Variants in SCN9A observed in about 807,000 individuals in gnomAD.
SCN9A encodes the protein sodium channel protein type 9 subunit alpha.
Under a neutral mutation model 187.0 loss-of-function variants are expected in SCN9A, and 131 were observed. The observed-to-expected ratio is 0.70, with a 90% CI of 0.61 to 0.81. The LOEUF (loss-of-function observed/expected upper bound fraction) is 0.81, where lower values mean the gene tolerates loss of function less well. SCN9A is among the 30% of genes least tolerant of loss of function. SCN9A has a pLI of 0.00. For synonymous variants in SCN9A, 809 were observed against 808.6 expected, an observed-to-expected ratio of 1.00 and a Z score of -0.01; for missense variants, 2,252 against 2,396.6, an observed-to-expected ratio of 0.94 and a Z score of 1.26.
intron 1 of SCN9A, among the ~76,000 whole-genome samples, chr2:166,362,488 C>A (rs762340832): frequency 1.3e-5 from 2 of 151,910 alleles, no homozygotes; most frequent in Non-Finnish European, 2.9e-5. Context: ...GTATTTCTTA[C>A]TTTCTGCCAT....
intron 1 of SCN9A, among the ~76,000 whole-genome samples, chr2:166,322,807 C>G (rs754638250): frequency 3.3e-5 from 5 of 152,214 alleles, no homozygotes; most frequent in African/African-American, 1.2e-4. Context: ...AGTTCAGGAG[C>G]TAGAAAGCCT....
intron 2 of SCN9A, among the ~76,000 whole-genome samples, chr2:166,309,853 C>T (rs1298595041): frequency 1.3e-5 from 2 of 149,960 alleles, no homozygotes; most frequent in African/African-American, 5.0e-5. Context: ...TCAAACTACA[C>T]TACAAGGCTA....
chr2:166,266,546 T>A (rs1326155429), intron 17 of SCN9A, among the ~76,000 whole-genome samples: 1 of 149,944 alleles, frequency 6.7e-6, no homozygotes, highest in Admixed American at 6.7e-5. Context: ...CTATTTAGGG[T>A]CTTTTGTGGT....
intron 18 of SCN9A, among the ~76,000 whole-genome samples, chr2:166,246,615 A>G (rs571753244): frequency 2.0e-5 from 3 of 152,076 alleles, no homozygotes; most frequent in Non-Finnish European, 4.4e-5. Context: ...AATTTGTCTT[A>G]AACTTAAAAA....
At chr2:166,219,393 A>T (rs1345553006) in intron 24 of SCN9A, among the ~76,000 whole-genome samples, 1 of 152,196 alleles carries the variant, frequency 6.6e-6, no homozygotes, top group African/African-American at 2.4e-5. Context: ...AGCCATTCAA[A>T]AAAAAACGAG....
intron 26 of SCN9A, among the ~76,000 whole-genome samples, chr2:166,200,248 C>T (rs1693442219): frequency 6.6e-6 from 1 of 151,388 alleles, no homozygotes; most frequent in East Asian, 1.9e-4. Flanking sequence ...CCGCCCGCCT[C>T]GGCCTCCCAA....
At position 166,204,152 on chromosome 2, in the gene SCN9A, C is replaced by T. The variant is rs777805473; in HGVS notation, c.4577G>A (p.Cys1526Tyr). The change falls in exon 26 of 27, where the codon TGT becomes TAT. Residue 1526 changes from cysteine to tyrosine, a missense_variant. Physicochemically the swap from Cys to Tyr is radical, Grantham distance 194 (BLOSUM62 -2). Coordinates refer to ENST00000642356, the MANE Select transcript of SCN9A (RefSeq NM_001365536.1). ...TACCATCATGGTTACCATGTTGAGA[C>T]AGATAAGAACCATGATACTAATATC... ...AFDISIMVLI[C>Y]LNMVTMMVEK... The T allele has an allele frequency of 1.2e-6, 2 of 1,611,866 alleles. No homozygotes were observed. Among genetic ancestry groups the T allele is most frequent in the South Asian group, 2.2e-5 (2 of 91,034 alleles).
At chr2:166,355,767 G>A (rs1468267478) in intron 1 of SCN9A, among the ~76,000 whole-genome samples, 1 of 150,686 alleles carries the variant, frequency 6.6e-6, no homozygotes, top group East Asian at 1.9e-4. Flanking sequence ...ATATTTCTGG[G>A]AAACATAGGC....
In SCN9A at chr2:166,297,970, A is replaced by T. The variant is rs549991851; in HGVS notation, c.902-3308T>A. On this transcript the variant is annotated intron_variant, in intron 7 of 26. Transcript: ENST00000642356. ...TTAATTTTCAAGATTAATGTAGCAA[A>T]ATAGAAAAAAAAATGGTAATTCTGC... Among the ~76,000 whole-genome samples the T allele has an allele frequency of 1.9e-3, 284 of 148,164 alleles. 1 individual carries two copies. The highest frequency in any genetic ancestry group is 6.7e-3 in the African/African-American group (269 of 40,386).
chr2:166,293,235 T>C lies in SCN9A; in HGVS notation c.1103A>G (p.Gln368Arg). ...CATGTTTCTCTTGGTACTCACCTGT[T>C]GGTAAAGGTTTTCCCAGTAATCTTG... ...MTQDYWENLY[Q>R]QTLRAAGKTY... Residue 368 changes from glutamine to arginine, a missense_variant, in exon 9 of 27, where the codon CAA becomes CGA. Around this residue, in one of 7 missense-constraint regions of SCN9A, gnomAD observed 1,013 missense variants for 997.4 expected, o/e 1.02. Transcript: ENST00000642356. 1 of 1,580,590 alleles carries C rather than the reference T, an allele frequency of 6.3e-7. No individual in the cohort carries two copies. Among genetic ancestry groups the C allele is most frequent in the Non-Finnish European group, 8.6e-7 (1 of 1,161,122 alleles).
intron 7 of SCN9A, among the ~76,000 whole-genome samples, chr2:166,299,089 G>A (rs55957549): frequency 1.3e-4 from 19 of 151,922 alleles, no homozygotes; most frequent in Admixed American, 5.9e-4. Flanking sequence ...TGGAGCTGTC[G>A]CTCCCCTTTA....
At chr2:166,345,386 C>T (rs1346594502) in intron 1 of SCN9A, among the ~76,000 whole-genome samples, 1 of 151,966 alleles carries the variant, frequency 6.6e-6, no homozygotes, top group African/African-American at 2.4e-5. Context: ...ATGTTATTAT[C>T]CTCATTTTAA....
In SCN9A at chr2:166,195,565, C is replaced by T. The variant is rs202150709; in HGVS notation, c.*3107G>A. The T allele has an allele frequency of 1.3e-5, 2 of 152,140 alleles. No individual in the cohort carries two copies. The highest frequency in any genetic ancestry group is 2.4e-5 in the African/African-American group (1 of 41,430). 9.4% of individuals were successfully genotyped at this position (152,140 alleles called of 1,614,324 possible). A position where few individuals can be genotyped will look rare whatever the true frequency, so the allele number is the denominator to read the frequency against. On this transcript the variant is annotated 3_prime_UTR_variant, in exon 27 of 27. Coordinates refer to ENST00000642356, the MANE Select transcript of SCN9A (RefSeq NM_001365536.1). The stretch of plus-strand genomic sequence containing the variant: ...TAGCTATTTAGAACTGCTTTATTTA[C>T]ATATGCATTTTATTTTCACTCTTTT...
intron 1 of SCN9A, among the ~76,000 whole-genome samples, chr2:166,361,950 A>C (rs1700296134): frequency 6.6e-6 from 1 of 152,130 alleles, no homozygotes; most frequent in African/African-American, 2.4e-5. Context: ...TGCTGATGAA[A>C]TATTCCTGAT....
chr2:166,241,039 A>G (rs1695545162), intron 19 of SCN9A, among the ~76,000 whole-genome samples: 1 of 152,134 alleles, frequency 6.6e-6, no homozygotes, highest in Non-Finnish European at 1.5e-5. Context: ...CTTTCCACAC[A>G]TAAGTAACAA....
chr2:166,309,670 A>G (rs1698877949), intron 2 of SCN9A, among the ~76,000 whole-genome samples: 3 of 150,486 alleles, frequency 2.0e-5, no homozygotes, highest in Admixed American at 1.3e-4. Context: ...AAATGGCCAT[A>G]CTGCCCAAGG....
chr2:166,293,876 G>C (rs772050938), intron 8 of SCN9A, among the ~76,000 whole-genome samples: 32 of 152,148 alleles, frequency 2.1e-4, no homozygotes, highest in Non-Finnish European at 4.3e-4. Context: ...GCAGCTTTAA[G>C]ACTTTTTTCT....
chr2:166,227,746 A>G, intron 22 of SCN9A, 23 bp from the exon 23 acceptor site: 2 of 1,224,654 alleles, frequency 1.6e-6, no homozygotes, highest in Non-Finnish European at 2.4e-6. Flanking sequence ...CATTAATAGA[A>G]TTTGAATGTT....
intron 17 of SCN9A, among the ~76,000 whole-genome samples, chr2:166,261,383 A>T (rs1361916983): frequency 6.6e-6 from 1 of 151,938 alleles, no homozygotes; most frequent in Non-Finnish European, 1.5e-5. Flanking sequence ...TCTCTGGGAA[A>T]GTTTTGCCCT....
Sources: gnomAD v4.1 joint callset for allele counts (sites outside exome capture counted in the v4.1 genomes callset) on GRCh38, gnomAD v4.1.1 for gene constraint, gnomAD v4.1.1 regional missense constraint, MANE v1.5 for transcripts, NCBI Gene and HGNC (gene_info 2026-07-23, HGNC 2026-07-21) for gene names.